Variants in MACROD2 observed in about 807,000 individuals in gnomAD.
The protein encoded by MACROD2 is ADP-ribose glycohydrolase MACROD2.
Under a neutral mutation model 70.4 loss-of-function variants are expected in MACROD2, and 36 were observed. That is an observed-to-expected ratio of 0.51 (90% CI 0.39 to 0.68). The LOEUF (loss-of-function observed/expected upper bound fraction) is 0.68, where lower values mean the gene tolerates loss of function less well. MACROD2 is among the 30% of genes least tolerant of loss of function. The pLI is 0.00. For synonymous variants in MACROD2, 172 were observed against 178.8 expected, an observed-to-expected ratio of 0.96 and a Z score of 0.30; for missense variants, 496 against 538.4, an observed-to-expected ratio of 0.92 and a Z score of 0.78.
chr20:14,025,491 A>C (rs2053150493), intron 2 of MACROD2, among the ~76,000 whole-genome samples: 1 of 152,074 alleles, frequency 6.6e-6, no homozygotes, highest in Non-Finnish European at 1.5e-5. Context: ...AGTGCTATAA[A>C]TTTCCCTCTA....
At chr20:14,728,433 T>C (rs1381494365) in intron 5 of MACROD2, among the ~76,000 whole-genome samples, 2 of 152,338 alleles carry the variant, frequency 1.3e-5, no homozygotes, top group East Asian at 1.9e-4. Flanking sequence ...CAATTTTATA[T>C]AGCATACGTA....
Position 15,138,299 on chromosome 20 carries a change from G to A in MACROD2, c.419-91641G>A, listed in dbSNP as rs202035394. On this transcript the variant is annotated intron_variant, in intron 5 of 17. Transcript: ENST00000684519. The stretch of plus-strand genomic sequence containing the variant: ...ACTTCTGTTTGCTGAGGTTGAGAAA[G>A]GCAATATTCCACAAGGGTCCATTTT... Among the ~76,000 whole-genome samples the A allele has an allele frequency of 5.9e-5, 9 of 152,156 alleles. No individual in the cohort carries two copies. The East Asian group carries it at 1.2e-3, about 20-fold the overall frequency.
intron 15 of MACROD2, among the ~76,000 whole-genome samples, chr20:15,988,501 C>T (rs1050985270): frequency 4.6e-5 from 7 of 152,046 alleles, no homozygotes; most frequent in Admixed American, 2.6e-4. Context: ...TTTGACTTGA[C>T]CTATAAGAAA....
At chr20:15,332,985 T>G (rs2078009104) in intron 6 of MACROD2, among the ~76,000 whole-genome samples, 1 of 151,658 alleles carries the variant, frequency 6.6e-6, no homozygotes, top group South Asian at 2.1e-4. Context: ...ACCTGTAATG[T>G]GTGGTTAGAG....
intron 8 of MACROD2, among the ~76,000 whole-genome samples, chr20:15,733,672 A>G (rs930244272): frequency 2.0e-5 from 3 of 152,186 alleles, no homozygotes; most frequent in Middle Eastern, 3.2e-3. Flanking sequence ...CTGCTATTCT[A>G]TGGCATTTTT....
At chr20:14,209,793 A>G (rs1255019277) in intron 3 of MACROD2, among the ~76,000 whole-genome samples, 1 of 152,192 alleles carries the variant, frequency 6.6e-6, no homozygotes, top group Non-Finnish European at 1.5e-5. Flanking sequence ...TCAGTTGACT[A>G]GAATTCAGTC....
At chr20:15,883,145 T>C (rs2064779153) in intron 9 of MACROD2, among the ~76,000 whole-genome samples, 1 of 152,036 alleles carries the variant, frequency 6.6e-6, no homozygotes, top group Admixed American at 6.6e-5. Context: ...CCAATGAGTG[T>C]TTGCCAGGTG....
intron 8 of MACROD2, among the ~76,000 whole-genome samples, chr20:15,860,129 C>T (rs1412499703): frequency 6.6e-6 from 1 of 151,994 alleles, no homozygotes; most frequent in East Asian, 1.9e-4. Flanking sequence ...AGCAAGACTC[C>T]ATCTCAAAAA....
intron 5 of MACROD2, among the ~76,000 whole-genome samples, chr20:14,717,360 G>A (rs1027950631): frequency 5.3e-5 from 8 of 152,144 alleles, no homozygotes; most frequent in African/African-American, 1.4e-4. Context: ...GAATGAAACC[G>A]AATGTGGGTG....
intron 8 of MACROD2, among the ~76,000 whole-genome samples, chr20:15,787,291 G>T (rs1350651120): frequency 6.6e-6 from 1 of 152,114 alleles, no homozygotes; most frequent in East Asian, 1.9e-4. Context: ...ATAGTTTTAT[G>T]TATATACTTA....
At chr20:14,966,699 A>T (rs560157352) in intron 5 of MACROD2, among the ~76,000 whole-genome samples, 1 of 151,636 alleles carries the variant, frequency 6.6e-6, no homozygotes, top group African/African-American at 2.4e-5. Flanking sequence ...ATAGATTCAT[A>T]CTATATGTTC....
intron 3 of MACROD2, among the ~76,000 whole-genome samples, chr20:14,408,708 G>A (rs1424612113): frequency 6.6e-6 from 1 of 152,092 alleles, no homozygotes; most frequent in East Asian, 1.9e-4. Context: ...CATAGAGATG[G>A]CATTTAGATA....
intron 5 of MACROD2, among the ~76,000 whole-genome samples, chr20:15,205,300 A>G (rs1430781304): frequency 6.6e-6 from 1 of 152,210 alleles, no homozygotes; most frequent in Non-Finnish European, 1.5e-5. Flanking sequence ...AGAATCAGTA[A>G]CAGTGAACTT....
intron 5 of MACROD2, among the ~76,000 whole-genome samples, chr20:15,072,671 C>T (rs2075627741): frequency 1.3e-5 from 2 of 152,134 alleles, no homozygotes; most frequent in African/African-American, 4.8e-5. Flanking sequence ...TGAGGTTAGC[C>T]ATCCTGCTAT....
At chr20:15,868,868 C>T (rs1286740049) in intron 9 of MACROD2, among the ~76,000 whole-genome samples, 4 of 151,940 alleles carry the variant, frequency 2.6e-5, no homozygotes, top group African/African-American at 4.8e-5. Context: ...ACTGCAGCCT[C>T]GAACTTCTGG....
In MACROD2 at chr20:14,909,628, G is replaced by C. The variant is rs543204911; in HGVS notation, c.418+224669G>C. Among the ~76,000 whole-genome samples the C allele has an allele frequency of 2.8e-3, 424 of 152,028 alleles. 1 individual carries two copies. The highest frequency in any genetic ancestry group is 9.7e-3 in the African/African-American group (404 of 41,474). On this transcript the variant is annotated intron_variant, in intron 5 of 17. Transcript: ENST00000684519. ...AAAGAAGCTGTTGAATAAGGAGTTGGGGCTGGAAACTCTGACCTACCTCTT... is the reference window on the plus strand; with the variant it reads ...AAAGAAGCTGTTGAATAAGGAGTTGCGGCTGGAAACTCTGACCTACCTCTT...
intron 5 of MACROD2, among the ~76,000 whole-genome samples, chr20:14,969,985 T>G (rs1466313597): frequency 6.6e-6 from 1 of 152,154 alleles, no homozygotes; most frequent in Non-Finnish European, 1.5e-5. Context: ...ATCGTCATCA[T>G]CATCATTGTA....
chr20:14,182,779 T>C (rs1328675999), intron 3 of MACROD2, among the ~76,000 whole-genome samples: 1 of 151,932 alleles, frequency 6.6e-6, no homozygotes, highest in African/African-American at 2.4e-5. Context: ...TCCTGTTTCT[T>C]TAGCTTCAAT....
chr20:15,098,234 C>G (rs1275021416), intron 5 of MACROD2, among the ~76,000 whole-genome samples: 1 of 152,096 alleles, frequency 6.6e-6, no homozygotes, highest in Non-Finnish European at 1.5e-5. Context: ...AATTTTTGAA[C>G]AAAGGGTCTC....
Sources: allele counts gnomAD v4.1 joint callset (sites outside exome capture counted in the v4.1 genomes callset), GRCh38; gene constraint gnomAD v4.1.1; transcripts MANE v1.5; gene names NCBI Gene and HGNC (gene_info 2026-07-23, HGNC 2026-07-21).